Variants in PAPOLA observed in about 807,000 individuals in gnomAD.
The protein encoded by PAPOLA is polynucleotide adenylyltransferase alpha.
PAPOLA carries 15 observed loss-of-function variants against 100.6 expected under a neutral mutation model. The ratio of observed to expected loss-of-function variants is 0.15; its 90% CI spans 0.10 to 0.23. The LOEUF (loss-of-function observed/expected upper bound fraction) is 0.23, where lower values mean the gene tolerates loss of function less well. PAPOLA is among the 10% of genes least tolerant of loss of function. The pLI, the probability that PAPOLA is intolerant of heterozygous loss-of-function variation, is 1.00. For missense variants in PAPOLA, 533 were observed against 884.2 expected, an observed-to-expected ratio of 0.60 and a Z score of 5.04; for synonymous variants, 293 against 300.0, an observed-to-expected ratio of 0.98 and a Z score of 0.24.
intron 1 of PAPOLA, among the ~76,000 whole-genome samples, chr14:96,503,945 C>T (rs1484116523): frequency 6.6e-6 from 1 of 152,172 alleles, no homozygotes; most frequent in African/African-American, 2.4e-5. Context: ...ATTAAGAAGT[C>T]TATCACATTA....
Position 96,542,912 on chromosome 14 carries a change from T to A in PAPOLA, c.1289+19T>A. On this transcript the variant is annotated intron_variant, in intron 14 of 21. Coordinates refer to ENST00000216277, the MANE Select transcript of PAPOLA (RefSeq NM_032632.5). ...CCGACAAGTAAGCCCTTTTCTAATTTAATTTCTTCTTCCCATTTCCAATTT... is the reference window on the plus strand; with the variant it reads ...CCGACAAGTAAGCCCTTTTCTAATTAAATTTCTTCTTCCCATTTCCAATTT... 6.2e-7 allele frequency: 1 copy of A among 1,607,970 alleles called. No homozygotes were observed. The highest frequency in any genetic ancestry group is 2.2e-5 in the East Asian group (1 of 44,782).
At chr14:96,523,284 C>T (rs1291657561) in intron 3 of PAPOLA, among the ~76,000 whole-genome samples, 1 of 152,110 alleles carries the variant, frequency 6.6e-6, no homozygotes, top group African/African-American at 2.4e-5. Context: ...ATACTAATAT[C>T]TAAAAATGTA....
chr14:96,562,901 G>A lies in PAPOLA; in HGVS notation c.2142+8G>A. The A allele has an allele frequency of 6.3e-7, 1 of 1,586,764 alleles. No homozygotes were observed. ...TCTCTGTTGGCCTCTCAGGTACTAA[G>A]TGCAAAAAGCAAGGAGAATTTTGTA... On this transcript the variant is annotated splice_region_variant and intron_variant, in intron 21 of 21. Coordinates refer to ENST00000216277, the MANE Select transcript of PAPOLA (RefSeq NM_032632.5).
At chr14:96,538,170 T>C (rs1899690698) in intron 12 of PAPOLA, among the ~76,000 whole-genome samples, 1 of 151,952 alleles carries the variant, frequency 6.6e-6, no homozygotes, top group African/African-American at 2.4e-5. Context: ...AAAACTATGA[T>C]ATAAAAGAGA....
intron 15 of PAPOLA, among the ~76,000 whole-genome samples, chr14:96,545,586 C>A (rs970787519): frequency 6.6e-6 from 1 of 151,836 alleles, no homozygotes; most frequent in Non-Finnish European, 1.5e-5. Flanking sequence ...TTAAATACTC[C>A]ATTTTTTAAA....
intron 1 of PAPOLA, among the ~76,000 whole-genome samples, chr14:96,518,113 G>A (rs1309817436): frequency 6.6e-6 from 1 of 152,138 alleles, no homozygotes; most frequent in Non-Finnish European, 1.5e-5. Flanking sequence ...ATTAATTTCT[G>A]CAAGAGATAA....
intron 12 of PAPOLA, among the ~76,000 whole-genome samples, chr14:96,538,634 A>G (rs926635801): frequency 6.6e-6 from 1 of 152,012 alleles, no homozygotes; most frequent in Non-Finnish European, 1.5e-5. Flanking sequence ...TCTTGTGAAA[A>G]CTTTTAAAAT....
intron 19 of PAPOLA, among the ~76,000 whole-genome samples, chr14:96,559,820 A>C (rs1332792899): frequency 2.0e-5 from 3 of 151,942 alleles, no homozygotes; most frequent in Middle Eastern, 3.4e-3. Context: ...TAACAACCAA[A>C]AACATTTCTT....
intron 4 of PAPOLA, 103 bp from the exon 5 acceptor site, chr14:96,527,327 C>A: frequency 1.5e-6 from 1 of 677,948 alleles, no homozygotes; most frequent in Non-Finnish European, 2.6e-6. Flanking sequence ...AGAAGCTCAC[C>A]AGTATGTTAA....
At position 96,555,116 on chromosome 14, in the gene PAPOLA, C is replaced by A. The variant is rs1901194604; in HGVS notation, c.1665-731C>A. On this transcript the variant is annotated intron_variant, in intron 17 of 21. Transcript: ENST00000216277. ...TGTCACTTAAAGGTCTTTAACTGGGCCACTGGATGGGCTTTTAGGGTTTTA... is the reference window on the plus strand; with the variant it reads ...TGTCACTTAAAGGTCTTTAACTGGGACACTGGATGGGCTTTTAGGGTTTTA... Among the ~76,000 whole-genome samples the A allele has an allele frequency of 4.0e-5, 6 of 151,732 alleles. No individual in the cohort carries two copies. In the South Asian group the frequency reaches 1.2e-3, roughly 32 times the overall value.
At chr14:96,549,996 A>T (rs900690335) in intron 16 of PAPOLA, among the ~76,000 whole-genome samples, 10 of 152,048 alleles carry the variant, frequency 6.6e-5, no homozygotes, top group African/African-American at 1.4e-4. Context: ...CTAAAAAAAA[A>T]TTTTTTTGAG....
At chr14:96,534,223 T>G in intron 9 of PAPOLA, 1 of 1,256,170 alleles carries the variant, frequency 8.0e-7, no homozygotes. Flanking sequence ...GGTACTTCTT[T>G]ATTTAAATAG....
chr14:96,546,190 A>G lies in PAPOLA; in HGVS notation c.1400-1607A>G, dbSNP rs1900382788. ...TCAGTCTTTGACTCCTGTTTTTTCC[A>G]TATTTGATGTTAATCCACTATAAAA... On this transcript the variant is annotated intron_variant, in intron 15 of 21. Transcript: ENST00000216277. Among the ~76,000 whole-genome samples the G allele has an allele frequency of 2.0e-5, 3 of 151,802 alleles. No individual in the cohort carries two copies. In the South Asian group the frequency reaches 6.2e-4, roughly 31 times the overall value.
intron 16 of PAPOLA, 102 bp from the exon 17 acceptor site, chr14:96,552,378 G>A: frequency 9.2e-7 from 1 of 1,092,238 alleles, no homozygotes; most frequent in Non-Finnish European, 1.3e-6. Flanking sequence ...TTAGTGATCT[G>A]TGCTTTTCAG....
At chr14:96,506,147 C>G (rs1896702001) in intron 1 of PAPOLA, among the ~76,000 whole-genome samples, 2 of 152,132 alleles carry the variant, frequency 1.3e-5, no homozygotes, top group African/African-American at 4.8e-5. Context: ...CGTGATCCCC[C>G]CCCACCTCGG....
intron 3 of PAPOLA, among the ~76,000 whole-genome samples, chr14:96,521,450 T>C (rs951700494): frequency 2.6e-5 from 4 of 152,138 alleles, no homozygotes; most frequent in Non-Finnish European, 5.9e-5. Context: ...AAAAAAGATT[T>C]TCAGGTATTA....
chr14:96,548,006 A>G (rs1407968496), intron 16 of PAPOLA, 88 bp downstream of exon 16: 2 of 1,155,804 alleles, frequency 1.7e-6, no homozygotes, highest in African/African-American at 3.2e-5. Flanking sequence ...AGGCTCAGTT[A>G]ATAAGTCATT....
intron 4 of PAPOLA, chr14:96,526,185 T>A (rs1898462857): frequency 6.6e-6 from 1 of 152,262 alleles, no homozygotes; most frequent in Non-Finnish European, 1.5e-5. Flanking sequence ...GCTTCTTTTC[T>A]TTCACTGAGT....
At chr14:96,509,998 G>T (rs10136804) in intron 1 of PAPOLA, among the ~76,000 whole-genome samples, 5,631 of 110,588 alleles carry the variant, frequency 0.051, 392 homozygotes, top group African/African-American at 0.18. Flanking sequence ...TCTTTGGATT[G>T]TATGTAGGCC....
Sources: gnomAD v4.1 joint callset for allele counts (sites outside exome capture counted in the v4.1 genomes callset) on GRCh38, gnomAD v4.1.1 for gene constraint, MANE v1.5 for transcripts, NCBI Gene and HGNC (gene_info 2026-07-23, HGNC 2026-07-21) for gene names.